Variants in ADCY2 observed in about 807,000 individuals in gnomAD.
ADCY2 encodes the protein adenylate cyclase type 2.
In ADCY2, 31 loss-of-function variants were observed where a neutral mutation model predicts 125.2. The ratio of observed to expected loss-of-function variants is 0.25; its 90% CI spans 0.19 to 0.33. The LOEUF is 0.33. Ranked by LOEUF, ADCY2 falls within the 10% of genes least tolerant of loss-of-function variation. The pLI, the probability that ADCY2 is intolerant of heterozygous loss-of-function variation, is 1.00. For missense variants in ADCY2, 904 were observed against 1,418.2 expected (o/e 0.64, Z 5.82); for synonymous variants, 512 against 548.4 (o/e 0.93, Z 0.93).
intron 15 of ADCY2, among the ~76,000 whole-genome samples, chr5:7,755,264 A>G (rs1188193155): frequency 2.6e-5 from 4 of 152,202 alleles, no homozygotes; most frequent in African/African-American, 9.6e-5. Context: ...GCTCCCTGGT[A>G]GGTACTCAGA....
At chr5:7,762,097 A>T (rs1743239535) in intron 16 of ADCY2, among the ~76,000 whole-genome samples, 1 of 152,140 alleles carries the variant, frequency 6.6e-6, no homozygotes, top group Non-Finnish European at 1.5e-5. Context: ...ACCTTCCCCC[A>T]CTTTTCCTGT....
chr5:7,474,993 C>T (rs902699247), intron 2 of ADCY2, among the ~76,000 whole-genome samples: 3 of 152,168 alleles, frequency 2.0e-5, no homozygotes, highest in African/African-American at 4.8e-5. Context: ...GCGTCCAGAG[C>T]GCTCCCGGGA....
chr5:7,517,079 C>T (rs1255742247), intron 2 of ADCY2, among the ~76,000 whole-genome samples: 2 of 152,116 alleles, frequency 1.3e-5, no homozygotes, highest in African/African-American at 4.8e-5. Flanking sequence ...TGATTTGAAA[C>T]TTGTGGAGCT....
At chr5:7,476,393 A>G (rs1742526973) in intron 2 of ADCY2, among the ~76,000 whole-genome samples, 1 of 152,142 alleles carries the variant, frequency 6.6e-6, no homozygotes. Flanking sequence ...GACAGGAGGA[A>G]AACAGCGTCC....
intron 4 of ADCY2, among the ~76,000 whole-genome samples, chr5:7,646,562 C>T (rs547623936): frequency 7.9e-5 from 12 of 152,270 alleles, no homozygotes; most frequent in African/African-American, 2.6e-4. Flanking sequence ...GACAAGACCT[C>T]TCCTTGAATT....
At chr5:7,439,951 G>A (rs1740949231) in intron 2 of ADCY2, among the ~76,000 whole-genome samples, 1 of 152,014 alleles carries the variant, frequency 6.6e-6, no homozygotes, top group Admixed American at 6.6e-5. Flanking sequence ...CAAGAGAAAG[G>A]TTGTTTTAAA....
intron 24 of ADCY2, 52 bp from the exon 25 acceptor site, chr5:7,826,665 GGT>G (rs1745488873): frequency 6.2e-7 from 1 of 1,612,134 alleles, no homozygotes; most frequent in African/African-American, 1.3e-5. Context: ...GAGTCAGATG[GGT>G]TGTATCAATG....
intron 3 of ADCY2, among the ~76,000 whole-genome samples, chr5:7,556,952 A>C (rs1397221891): frequency 7.2e-5 from 11 of 152,084 alleles, no homozygotes; most frequent in Admixed American, 7.2e-4. Flanking sequence ...CTGCTGCATT[A>C]GACCCAAAGA....
chr5:7,504,189 T>A (rs1743710564), intron 2 of ADCY2, among the ~76,000 whole-genome samples: 1 of 152,210 alleles, frequency 6.6e-6, no homozygotes. Flanking sequence ...GGGTTAAATG[T>A]GTGCTCACGG....
intron 5 of ADCY2, among the ~76,000 whole-genome samples, chr5:7,695,470 G>A (rs1740859205): frequency 6.6e-6 from 1 of 152,068 alleles, no homozygotes. Flanking sequence ...ATAAAAAGAG[G>A]ATTATTTTTC....
intron 23 of ADCY2, among the ~76,000 whole-genome samples, chr5:7,819,991 C>T (rs1265362346): frequency 1.3e-5 from 2 of 152,290 alleles, no homozygotes; most frequent in African/African-American, 2.4e-5. Context: ...AGGCTGGAAC[C>T]GCAGGCCAGT....
intron 2 of ADCY2, among the ~76,000 whole-genome samples, chr5:7,427,087 C>T (rs1163876418): frequency 6.6e-6 from 1 of 152,170 alleles, no homozygotes; most frequent in African/African-American, 2.4e-5. Context: ...GTTCCATGCT[C>T]CCTCCGAAAT....
intron 14 of ADCY2, among the ~76,000 whole-genome samples, chr5:7,730,529 GTGATGTATA>G (rs1560916205): frequency 6.6e-6 from 1 of 151,932 alleles, no homozygotes; most frequent in African/African-American, 2.4e-5. Flanking sequence ...TATATTTTTG[GTGATGTATA>G]TGATTTGTTA....
At chr5:7,803,719 G>A (rs1400909260) in intron 21 of ADCY2, among the ~76,000 whole-genome samples, 2 of 151,946 alleles carry the variant, frequency 1.3e-5, no homozygotes, top group African/African-American at 2.4e-5. Flanking sequence ...GGCTACATAG[G>A]GAGACCCTGT....
At chr5:7,591,743 C>T (rs746152822) in intron 3 of ADCY2, among the ~76,000 whole-genome samples, 3 of 152,130 alleles carry the variant, frequency 2.0e-5, no homozygotes, top group Non-Finnish European at 4.4e-5. Context: ...AGGCAATCCA[C>T]GCATAGAATC....
At chr5:7,746,564 AT>A (rs2126438996) in intron 15 of ADCY2, among the ~76,000 whole-genome samples, 1 of 152,306 alleles carries the variant, frequency 6.6e-6, no homozygotes, top group Admixed American at 6.5e-5. Context: ...GTGGAGAAAC[AT>A]TGTCACTTCC....
chr5:7,723,680 T>G (rs1037613481), intron 12 of ADCY2, among the ~76,000 whole-genome samples: 1 of 152,094 alleles, frequency 6.6e-6, no homozygotes, highest in Non-Finnish European at 1.5e-5. Context: ...CCCAGCACTT[T>G]GGGAGACTGA....
Position 7,496,869 on chromosome 5 carries a change from A to C in ADCY2, c.409-23869A>C, listed in dbSNP as rs145300519. ...TAGGAATATTTTATATGAATATATC[A>C]GCAATAATATATCTAGGAATAAACA... On this transcript the variant is annotated intron_variant, in intron 2 of 24. Coordinates refer to ENST00000338316, the MANE Select transcript of ADCY2 (RefSeq NM_020546.3). Among the ~76,000 whole-genome samples, 1,382 of 152,330 alleles carry C rather than the reference A, an allele frequency of 9.1e-3. 24 individuals carry two copies. The highest frequency in any genetic ancestry group is 0.031 in the African/African-American group (1,298 of 41,576).
At chr5:7,561,992 A>G (rs1735722353) in intron 3 of ADCY2, among the ~76,000 whole-genome samples, 1 of 152,186 alleles carries the variant, frequency 6.6e-6, no homozygotes, top group Non-Finnish European at 1.5e-5. Context: ...ATACATCCAT[A>G]GACTCCGTAG....
Sources: allele counts gnomAD v4.1 joint callset (sites outside exome capture counted in the v4.1 genomes callset), GRCh38; gene constraint gnomAD v4.1.1; transcripts MANE v1.5; gene names NCBI Gene and HGNC (gene_info 2026-07-23, HGNC 2026-07-21).